Variants in BTAF1 observed in about 807,000 individuals in gnomAD.
The protein encoded by BTAF1 is B-TFIID TATA-box binding protein associated factor 1, also known as TATA-binding protein-associated factor 172.
Under a neutral mutation model 227.1 loss-of-function variants are expected in BTAF1, and 38 were observed. That is an observed-to-expected ratio of 0.17 (90% CI 0.13 to 0.22). The LOEUF (loss-of-function observed/expected upper bound fraction) is 0.22. Among genes scored for constraint, BTAF1 ranks in the 10% least tolerant of loss-of-function variants. BTAF1 has a pLI of 1.00. For missense variants in BTAF1, 1,598 were observed against 2,204.0 expected (o/e 0.73, Z 5.51); for synonymous variants, 742 against 751.9 (o/e 0.99, Z 0.21).
At chr10:91,985,776 T>C (rs1267489112) in intron 19 of BTAF1, among the ~76,000 whole-genome samples, 1 of 152,192 alleles carries the variant, frequency 6.6e-6, no homozygotes, top group East Asian at 1.9e-4. Flanking sequence ...TTCTGAAATA[T>C]CTTTTCAAAA....
At chr10:91,976,431 G>A (rs185001824) in intron 14 of BTAF1, among the ~76,000 whole-genome samples, 7 of 152,302 alleles carry the variant, frequency 4.6e-5, no homozygotes, top group Non-Finnish European at 1.0e-4. Context: ...GTGGGGAGCA[G>A]GAGGCAGTCT....
chr10:92,025,049 G>T, intron 35 of BTAF1, 82 bp downstream of exon 35: 1 of 1,245,298 alleles, frequency 8.0e-7, no homozygotes. Flanking sequence ...TATTTTCATT[G>T]GCTAAATATC....
rs763865642 is a variant in BTAF1 at position 91,993,855 on chromosome 10, CAT to C, written c.3199+11_3199+12del. 2 of 1,564,054 alleles carry C rather than the reference CAT, an allele frequency of 1.3e-6. No homozygotes were observed. Among genetic ancestry groups the C allele is most frequent in the African/African-American group, 1.4e-5 (1 of 73,698 alleles). On this transcript the variant is annotated intron_variant, in intron 22 of 37. Transcript: ENST00000265990. ...TCGACATAAATAATTTTGGTATACA[CAT>C]ATTTTTATGAGTCCAGTTTTTAACA...
At chr10:91,996,297 ATG>A (rs1210932086) in intron 23 of BTAF1, 70 bp from the exon 24 acceptor site, 1 of 1,357,686 alleles carries the variant, frequency 7.4e-7, no homozygotes, top group African/African-American at 1.4e-5. Flanking sequence ...TTTCCTGAGT[ATG>A]GGCTATTATA....
chr10:91,927,767 A>G (rs1318647021), intron 1 of BTAF1, among the ~76,000 whole-genome samples: 1 of 152,222 alleles, frequency 6.6e-6, no homozygotes, highest in African/African-American at 2.4e-5. Flanking sequence ...AAAGCCTGTA[A>G]CATATACTAA....
intron 14 of BTAF1, 82 bp downstream of exon 14, chr10:91,966,839 C>G: frequency 7.5e-7 from 1 of 1,335,284 alleles, no homozygotes; most frequent in South Asian, 1.5e-5. Flanking sequence ...CTTACCCTTG[C>G]TGTATATCCA....
intron 12 of BTAF1, 103 bp downstream of exon 12, chr10:91,962,781 A>ATTT: frequency 4.4e-6 from 4 of 914,986 alleles, no homozygotes; most frequent in Non-Finnish European, 6.0e-6. Flanking sequence ...TTCATCTTCA[A>ATTT]TTTTTTTTTT....
chr10:92,005,529 G>C (rs896558597), intron 25 of BTAF1, among the ~76,000 whole-genome samples: 1 of 152,070 alleles, frequency 6.6e-6, no homozygotes, highest in Non-Finnish European at 1.5e-5. Context: ...TCAGTGTATA[G>C]ATCTTTCACC....
rs768201402 is a variant in BTAF1 at position 91,924,055 on chromosome 10, T to C, written c.-22T>C. Reference sequence around the variant, plus strand: ...GCGCGGCGCGTAGGTCGCGGGGAGCTCCGAACCGCCGGCGCCCGGCCATGG... The same window carrying C: ...GCGCGGCGCGTAGGTCGCGGGGAGCCCCGAACCGCCGGCGCCCGGCCATGG... On this transcript the variant is annotated 5_prime_UTR_variant, in exon 1 of 38. Transcript: ENST00000265990. 48 of 1,606,694 alleles carry C rather than the reference T, an allele frequency of 3.0e-5. No individual in the cohort carries two copies. The highest frequency in any genetic ancestry group is 1.2e-4 in the Admixed American group (7 of 59,190).
At chr10:92,019,778 C>T (rs565605886) in intron 34 of BTAF1, among the ~76,000 whole-genome samples, 125 of 152,052 alleles carry the variant, frequency 8.2e-4, no homozygotes, top group South Asian at 1.7e-3. Context: ...TTTTCATGTG[C>T]TTATTGGACA....
At chr10:92,025,480 C>T (rs934766727) in intron 35 of BTAF1, among the ~76,000 whole-genome samples, 1 of 151,594 alleles carries the variant, frequency 6.6e-6, no homozygotes, top group Non-Finnish European at 1.5e-5. Context: ...CTGCTTAGTC[C>T]CAAAGCTGCT....
chr10:92,023,205 C>T (rs1851261287), intron 34 of BTAF1, among the ~76,000 whole-genome samples: 1 of 152,160 alleles, frequency 6.6e-6, no homozygotes. Context: ...TCCTAAAATC[C>T]AGGTTCCAAA....
At chr10:92,012,437 G>A (rs775486342) in intron 30 of BTAF1, among the ~76,000 whole-genome samples, 5 of 145,906 alleles carry the variant, frequency 3.4e-5, no homozygotes, top group Middle Eastern at 6.9e-3. Flanking sequence ...TCTAATAACC[G>A]CAAGAGATAA....
At chr10:92,005,577 T>G (rs1255793611) in intron 25 of BTAF1, among the ~76,000 whole-genome samples, 1 of 152,184 alleles carries the variant, frequency 6.6e-6, no homozygotes, top group Non-Finnish European at 1.5e-5. Context: ...TTGTTGCTAT[T>G]GTAAATGGGA....
intron 14 of BTAF1, among the ~76,000 whole-genome samples, chr10:91,970,867 G>A (rs2133939364): frequency 6.6e-6 from 1 of 152,336 alleles, no homozygotes; most frequent in East Asian, 1.9e-4. Context: ...AAGATTAGGT[G>A]ATGTGGTTAA....
intron 14 of BTAF1, among the ~76,000 whole-genome samples, chr10:91,973,587 G>A (rs74149340): frequency 0.013 from 2,046 of 152,238 alleles, 47 homozygotes; most frequent in African/African-American, 0.045. Context: ...TTTTGCAGAT[G>A]AGAGAACTGA....
At chr10:92,016,926 C>T (rs1396278366) in intron 33 of BTAF1, among the ~76,000 whole-genome samples, 2 of 151,918 alleles carry the variant, frequency 1.3e-5, no homozygotes, top group East Asian at 1.9e-4. Context: ...TTAATAAGCA[C>T]TTTAATATTA....
chr10:91,964,389 G>C (rs528942971), intron 13 of BTAF1, among the ~76,000 whole-genome samples, 188 bp downstream of exon 13: 1 of 152,102 alleles, frequency 6.6e-6, no homozygotes, highest in East Asian at 1.9e-4. Flanking sequence ...AGCTTACAAA[G>C]ATCATTTTTT....
intron 35 of BTAF1, among the ~76,000 whole-genome samples, chr10:92,025,541 T>A (rs548508155): frequency 6.8e-4 from 103 of 152,056 alleles, no homozygotes; most frequent in Admixed American, 2.8e-3. Flanking sequence ...GCGCGGTGAC[T>A]CATGCCTGTA....
Sources: gnomAD v4.1 joint callset for allele counts (sites outside exome capture counted in the v4.1 genomes callset) on GRCh38, gnomAD v4.1.1 for gene constraint, MANE v1.5 for transcripts, NCBI Gene and HGNC (gene_info 2026-07-23, HGNC 2026-07-21) for gene names.